The following CNTN6 variants were observed in gnomAD, a reference collection of about 807,000 sequenced individuals.
CNTN6 encodes contactin-6.
In CNTN6, 137 loss-of-function variants were observed where a neutral mutation model predicts 122.8. That is an observed-to-expected ratio of 1.12 (90% CI 0.97 to 1.29). CNTN6 has a LOEUF of 1.29. Among genes scored for constraint, CNTN6 ranks in the 50% most tolerant of loss-of-function variants. The pLI, the probability that CNTN6 is intolerant of heterozygous loss-of-function variation, is 0.00. For synonymous variants in CNTN6, 570 were observed against 426.0 expected (o/e 1.34, Z -4.16); for missense variants, 1,634 against 1,223.4 (o/e 1.34, Z -5.01).
intron 4 of CNTN6, among the ~76,000 whole-genome samples, chr3:1,270,828 G>A (rs1281832958): frequency 2.6e-5 from 4 of 152,206 alleles, no homozygotes; most frequent in African/African-American, 9.6e-5. Context: ...AGATAGAGAG[G>A]CAGTATGGTC....
chr3:1,363,365 C>T (rs571535693), intron 12 of CNTN6, among the ~76,000 whole-genome samples: 5 of 151,912 alleles, frequency 3.3e-5, no homozygotes, highest in Non-Finnish European at 7.4e-5. Flanking sequence ...TATCTCTAGA[C>T]TTATTTGTTC....
intron 12 of CNTN6, among the ~76,000 whole-genome samples, chr3:1,361,990 G>T (rs1022325170): frequency 6.6e-6 from 1 of 152,112 alleles, no homozygotes; most frequent in Non-Finnish European, 1.5e-5. Flanking sequence ...GTGAAAGGGA[G>T]ACACAAATAG....
At chr3:1,128,991 C>T (rs897140378) in intron 1 of CNTN6, among the ~76,000 whole-genome samples, 2 of 151,842 alleles carry the variant, frequency 1.3e-5, no homozygotes, top group Non-Finnish European at 2.9e-5. Flanking sequence ...CTTTTGTTTG[C>T]ATAATTTTTC....
At chr3:1,279,054 T>C (rs1692917804) in intron 5 of CNTN6, among the ~76,000 whole-genome samples, 1 of 152,214 alleles carries the variant, frequency 6.6e-6, no homozygotes, top group Admixed American at 6.5e-5. Flanking sequence ...AACACTCCTC[T>C]TGGCAATGTC....
At chr3:1,320,444 T>C (rs1700692328) in intron 7 of CNTN6, among the ~76,000 whole-genome samples, 1 of 151,750 alleles carries the variant, frequency 6.6e-6, no homozygotes, top group African/African-American at 2.4e-5. Context: ...AGTTGTTTAC[T>C]GCTCAAACTC....
chr3:1,286,164 C>T (rs867543198), intron 5 of CNTN6, among the ~76,000 whole-genome samples: 1 of 152,268 alleles, frequency 6.6e-6, no homozygotes, highest in South Asian at 2.1e-4. Flanking sequence ...GGCAGTAGGG[C>T]CAGATGTTGG....
chr3:1,272,950 C>T (rs1267291677), intron 4 of CNTN6, among the ~76,000 whole-genome samples: 3 of 152,166 alleles, frequency 2.0e-5, no homozygotes, highest in African/African-American at 7.2e-5. Context: ...TCCCTTGCAC[C>T]TTGGTTGCTC....
intron 6 of CNTN6, among the ~76,000 whole-genome samples, 154 bp from the exon 7 acceptor site, chr3:1,297,735 C>T (rs1318753395): frequency 6.6e-6 from 1 of 150,436 alleles, no homozygotes; most frequent in East Asian, 2.0e-4. Context: ...TTTGAAAACA[C>T]AGAAGCATTT....
chr3:1,231,815 C>T (rs2094355713), intron 4 of CNTN6, among the ~76,000 whole-genome samples: 1 of 152,200 alleles, frequency 6.6e-6, no homozygotes, highest in South Asian at 2.1e-4. Flanking sequence ...AACCCAAACT[C>T]TACCCTAAAA....
chr3:1,312,870 A>C (rs1384644885), intron 7 of CNTN6, among the ~76,000 whole-genome samples: 1 of 151,570 alleles, frequency 6.6e-6, no homozygotes, highest in East Asian at 1.9e-4. Context: ...AAACTATCCT[A>C]ATCCCAATTT....
intron 2 of CNTN6, among the ~76,000 whole-genome samples, chr3:1,213,084 G>T (rs891338304): frequency 6.6e-6 from 1 of 152,074 alleles, no homozygotes; most frequent in Non-Finnish European, 1.5e-5. Context: ...CTCACAAAAG[G>T]CATCACAGGG....
intron 1 of CNTN6, among the ~76,000 whole-genome samples, chr3:1,129,426 C>T (rs1449781784): frequency 6.6e-6 from 1 of 151,948 alleles, no homozygotes; most frequent in East Asian, 1.9e-4. Context: ...AGAAATTGTA[C>T]CGTCTTCATG....
chr3:1,361,827 C>T (rs910564243), intron 12 of CNTN6, among the ~76,000 whole-genome samples: 12 of 152,148 alleles, frequency 7.9e-5, no homozygotes, highest in South Asian at 2.1e-4. Context: ...GGTGCAGAAG[C>T]CTGGAGAAAA....
At chr3:1,172,457 T>G (rs1420136007) in intron 2 of CNTN6, among the ~76,000 whole-genome samples, 1 of 152,230 alleles carries the variant, frequency 6.6e-6, no homozygotes, top group Non-Finnish European at 1.5e-5. Context: ...ATCTGTATAG[T>G]GAAACTTTCG....
At chr3:1,264,087 A>C (rs550477425) in intron 4 of CNTN6, among the ~76,000 whole-genome samples, 4 of 152,252 alleles carry the variant, frequency 2.6e-5, no homozygotes, top group Admixed American at 2.6e-4. Flanking sequence ...AGGTGAAAGG[A>C]TGGGGTAAAC....
chr3:1,107,882 T>C (rs2091298602), intron 1 of CNTN6, among the ~76,000 whole-genome samples: 1 of 152,066 alleles, frequency 6.6e-6, no homozygotes, highest in Admixed American at 6.6e-5. Flanking sequence ...AATTGCAGTT[T>C]CAAAATAAAT....
chr3:1,275,620 C>A (rs1036171424), intron 4 of CNTN6, among the ~76,000 whole-genome samples: 2 of 152,128 alleles, frequency 1.3e-5, no homozygotes, highest in African/African-American at 2.4e-5. Context: ...GCTTATAAAT[C>A]CCATTCTTAG....
chr3:1,133,559 C>T (rs1383111638), intron 1 of CNTN6, among the ~76,000 whole-genome samples: 2 of 152,194 alleles, frequency 1.3e-5, no homozygotes, highest in Non-Finnish European at 2.9e-5. Context: ...CAGATTTAAA[C>T]ACTGGCAGCC....
At chr3:1,197,238 G>T (rs1254366467) in intron 2 of CNTN6, among the ~76,000 whole-genome samples, 2 of 152,162 alleles carry the variant, frequency 1.3e-5, no homozygotes, top group African/African-American at 4.8e-5. Context: ...TGCAAAGCAA[G>T]GTCCTGGTTT....
Sources: gnomAD v4.1 joint callset for allele counts (sites outside exome capture counted in the v4.1 genomes callset) on GRCh38, gnomAD v4.1.1 for gene constraint, MANE v1.5 for transcripts, NCBI Gene and HGNC (gene_info 2026-07-23, HGNC 2026-07-21) for gene names.